Variants in MYT1L observed in about 807,000 individuals in gnomAD.
MYT1L encodes the protein myelin transcription factor 1 like.
Under a neutral mutation model 126.7 loss-of-function variants are expected in MYT1L, and 12 were observed. The observed-to-expected ratio is 0.09, with a 90% CI of 0.06 to 0.15. The LOEUF is 0.15. Among genes scored for constraint, MYT1L ranks in the 10% least tolerant of loss-of-function variants. The pLI, the probability that MYT1L is intolerant of heterozygous loss-of-function variation, is 1.00. For synonymous variants in MYT1L, 541 were observed against 604.2 expected (o/e 0.90, Z 1.53); for missense variants, 979 against 1,585.2 (o/e 0.62, Z 6.49).
At position 2,264,665 on chromosome 2, in the gene MYT1L, C is replaced by T. The variant is rs553135925; in HGVS notation, c.-421+19739G>A. Among the ~76,000 whole-genome samples the T allele has an allele frequency of 5.3e-5, 8 of 152,174 alleles. No individual in the cohort carries two copies. In the East Asian group the frequency reaches 5.8e-4, roughly 11 times the overall value. ...ACACTCCTCCTGTGGGCTGAGGACGCGCCACGGTCCCAGCACAGCACAGTG... is the reference window on the plus strand; with the variant it reads ...ACACTCCTCCTGTGGGCTGAGGACGTGCCACGGTCCCAGCACAGCACAGTG... On this transcript the variant is annotated intron_variant, in intron 2 of 24. Coordinates refer to ENST00000647738, the MANE Select transcript of MYT1L (RefSeq NM_001303052.2).
intron 4 of MYT1L, among the ~76,000 whole-genome samples, chr2:2,002,945 T>C (rs184462453): frequency 6.6e-6 from 1 of 152,266 alleles, no homozygotes; most frequent in East Asian, 1.9e-4. Flanking sequence ...GATTGTAAGT[T>C]TCCTGAGCCC....
chr2:2,015,624 C>T (rs1975138), intron 4 of MYT1L, among the ~76,000 whole-genome samples: 2,517 of 152,208 alleles, frequency 0.017, 56 homozygotes, highest in African/African-American at 0.054. Context: ...CATAGCTGCT[C>T]TGGCTTTGCA....
Position 1,806,442 on chromosome 2 carries a change from G to C in MYT1L, c.3172+2634C>G, listed in dbSNP as rs942821873. Among the ~76,000 whole-genome samples the C allele has an allele frequency of 3.9e-5, 6 of 152,334 alleles. No individual in the cohort carries two copies. In the South Asian group the frequency reaches 1.2e-3, roughly 32 times the overall value. ...AAGGCTGCCCAGCAGCAGCAGCTGG[G>C]CCCAGCGGGCGGACGGTGGCCCTGG... On this transcript the variant is annotated intron_variant, in intron 22 of 24. Coordinates refer to ENST00000647738, the MANE Select transcript of MYT1L (RefSeq NM_001303052.2). This position sits in a 1 kb window ranked among gnomAD's most constrained non-coding sequence, Gnocchi z 4.9.
Position 1,892,096 on chromosome 2 carries a change from G to T in MYT1L, c.2224C>A (p.Arg742Ser). ...AGGTTCTGCGGCATCTCGCGGCAGC[G>T]CGTGGACAGGTTGAGGATGGCGGTG... ...AATAILNLST[R>S]CREMPQNLST... Residue 742 changes from arginine (R) to serine (S), a missense_variant, in exon 15 of 25, where the codon CGC (arginine) becomes AGC (serine). Arg to Ser is a moderately radical substitution (Grantham distance 110, BLOSUM62 -1). Coordinates refer to ENST00000647738, the MANE Select transcript of MYT1L (RefSeq NM_001303052.2). The T allele has an allele frequency of 6.5e-7, 1 of 1,544,486 alleles. No homozygotes were observed.
At position 1,910,205 on chromosome 2, in the gene MYT1L, A is replaced by G; in HGVS notation, c.1817+35T>C. ...CTCCGAGGTGTGGGGCAGACTATGG[A>G]TAGAGCTCACGGATGGTGCACTCCT... On this transcript the variant is annotated intron_variant, in intron 13 of 24. Coordinates refer to ENST00000647738, the MANE Select transcript of MYT1L (RefSeq NM_001303052.2). This position sits in a 1 kb window ranked among gnomAD's most constrained non-coding sequence, Gnocchi z 4.8. The G allele has an allele frequency of 6.3e-7, 1 of 1,584,700 alleles. No individual in the cohort carries two copies. Among genetic ancestry groups the G allele is most frequent in the South Asian group, 1.1e-5 (1 of 90,380 alleles).
At chr2:2,158,458 C>T (rs552267057) in intron 3 of MYT1L, among the ~76,000 whole-genome samples, 20 of 152,298 alleles carry the variant, frequency 1.3e-4, no homozygotes, top group South Asian at 1.0e-3. Flanking sequence ...ATCACAAATG[C>T]GCACCATGAG....
chr2:1,943,466 C>T lies in MYT1L; in HGVS notation c.153-132G>A. 3 of 1,064,288 alleles carry T rather than the reference C, an allele frequency of 2.8e-6. No individual in the cohort carries two copies. The highest frequency in any genetic ancestry group is 3.9e-6 in the Non-Finnish European group (3 of 766,554). 65.9% of individuals were successfully genotyped at this position (1,064,288 alleles called of 1,614,324 possible). On this transcript the variant is annotated intron_variant, in intron 8 of 24. Coordinates refer to ENST00000647738, the MANE Select transcript of MYT1L (RefSeq NM_001303052.2). The surrounding 1 kb of genome is among the most constrained non-coding windows in gnomAD (Gnocchi z 4.4). Reference sequence around the variant, plus strand: ...TTATCATGAATGTCATCAGCACAAACACCAGAGAGACATAACATACATGTT... The same window carrying T: ...TTATCATGAATGTCATCAGCACAAATACCAGAGAGACATAACATACATGTT...
At position 1,943,055 on chromosome 2, in the gene MYT1L, C is replaced by A; in HGVS notation, c.432G>T (p.Glu144Asp). 6.8e-7 allele frequency: 1 copy of A among 1,481,376 alleles called. No individual in the cohort carries two copies. The allele number at this position is 1,481,376 out of a possible 1,614,324, so 91.8% of individuals were successfully genotyped here. The change falls in exon 9 of 25, where the codon GAG becomes GAT. Residue 144 changes from glutamate (E) to aspartate (D), a missense_variant. Around this residue, in one of 12 missense-constraint regions of MYT1L, gnomAD observed 111 missense variants for 115.9 expected, o/e 0.96. Transcript: ENST00000647738. This position sits in a 1 kb window ranked among gnomAD's most constrained non-coding sequence, Gnocchi z 4.4. ...EIEEEDEDDD[E>D]DGEDVEDEEE... ...CTTCATCCTCCACATCTTCTCCATC[C>A]TCGTCATCGTCCTCATCCTCCTCCT...
At chr2:2,113,354 G>A (rs561823617) in intron 3 of MYT1L, among the ~76,000 whole-genome samples, 3 of 152,234 alleles carry the variant, frequency 2.0e-5, no homozygotes, top group South Asian at 2.1e-4. Flanking sequence ...CAAAGCTGCC[G>A]TAGCAGGGCT....
At chr2:2,010,146 C>T (rs2063689607) in intron 4 of MYT1L, among the ~76,000 whole-genome samples, 1 of 152,148 alleles carries the variant, frequency 6.6e-6, no homozygotes, top group African/African-American at 2.4e-5. Context: ...CAAGGCAGTG[C>T]CCATCTGGCA....
intron 3 of MYT1L, among the ~76,000 whole-genome samples, chr2:2,105,963 C>G (rs1018863804): frequency 4.6e-5 from 7 of 152,090 alleles, no homozygotes; most frequent in Admixed American, 6.5e-5. Flanking sequence ...ATTAGGATAA[C>G]CAGGGACTGT....
chr2:1,958,578 T>C (rs1162375668), intron 8 of MYT1L, among the ~76,000 whole-genome samples: 1 of 152,202 alleles, frequency 6.6e-6, no homozygotes, highest in Non-Finnish European at 1.5e-5. Context: ...CAGGGTCCTC[T>C]GGGCAAGCTG....
At chr2:2,021,440 G>A (rs1305021997) in intron 4 of MYT1L, among the ~76,000 whole-genome samples, 2 of 152,170 alleles carry the variant, frequency 1.3e-5, no homozygotes, top group Admixed American at 1.3e-4. Context: ...GCCCTCTGGG[G>A]CCTAGTCCTT....
chr2:1,866,155 C>T (rs1425798695), intron 18 of MYT1L, among the ~76,000 whole-genome samples: 1 of 152,166 alleles, frequency 6.6e-6, no homozygotes, highest in African/African-American at 2.4e-5. Context: ...AAGTACAGGC[C>T]AGATGGAAGC....
chr2:2,307,542 A>G (rs2095874790), intron 1 of MYT1L, among the ~76,000 whole-genome samples: 1 of 152,092 alleles, frequency 6.6e-6, no homozygotes, highest in East Asian at 1.9e-4. Flanking sequence ...CCATTCAACT[A>G]TACAAAAACC....
At chr2:1,978,847 G>A (rs977107953) in intron 8 of MYT1L, among the ~76,000 whole-genome samples, 1 of 152,130 alleles carries the variant, frequency 6.6e-6, no homozygotes, top group Admixed American at 6.5e-5. Context: ...GAGAAATTGG[G>A]CTCCTCGGTG....
At chr2:2,080,287 A>T (rs2075679626) in intron 3 of MYT1L, among the ~76,000 whole-genome samples, 2 of 152,210 alleles carry the variant, frequency 1.3e-5, no homozygotes, top group South Asian at 4.1e-4. Context: ...ACACCACCAA[A>T]AACACAAGGG....
intron 18 of MYT1L, among the ~76,000 whole-genome samples, chr2:1,883,574 TTTTC>T (rs1268015518): frequency 6.6e-6 from 1 of 152,092 alleles, no homozygotes; most frequent in Non-Finnish European, 1.5e-5. Context: ...AATGTATTCT[TTTTC>T]GCTTTTTGGC....
rs145256943 is a variant in MYT1L, at chr2:2,014,845, G to C, written c.-157-17498C>G. Reference sequence around the variant, plus strand: ...CACTGGAGTTCCCCTTAAGAGGGGTGCTATCAGCCCCATGAGAAGCAGAAG... The same window carrying C: ...CACTGGAGTTCCCCTTAAGAGGGGTCCTATCAGCCCCATGAGAAGCAGAAG... On this transcript the variant is annotated intron_variant, in intron 4 of 24. Transcript: ENST00000647738. Among the ~76,000 whole-genome samples the C allele has an allele frequency of 3.5e-3, 540 of 152,344 alleles. 3 individuals carry two copies. The highest frequency in any genetic ancestry group is 6.8e-3 in the Middle Eastern group (2 of 294).
Sources: allele counts gnomAD v4.1 joint callset (sites outside exome capture counted in the v4.1 genomes callset), GRCh38; gene constraint gnomAD v4.1.1; regional missense constraint gnomAD v4.1.1; non-coding constraint Gnocchi (gnomAD v3.1); transcripts MANE v1.5; gene names NCBI Gene and HGNC (gene_info 2026-07-23, HGNC 2026-07-21).